RBFOX1: variants seen among roughly 807,000 people sequenced by gnomAD.
The protein encoded by RBFOX1 is RNA binding fox-1 homolog 1.
Under a neutral mutation model 57.7 loss-of-function variants are expected in RBFOX1, and 8 were observed. The ratio of observed to expected loss-of-function variants is 0.14; its 90% CI spans 0.08 to 0.25. RBFOX1 has a LOEUF of 0.25. Ranked by LOEUF, RBFOX1 falls within the 10% of genes least tolerant of loss-of-function variation. The pLI, the probability that RBFOX1 is intolerant of heterozygous loss-of-function variation, is 1.00. For missense variants in RBFOX1, 611 were observed against 548.5 expected (o/e 1.11, Z -1.14); for synonymous variants, 326 against 222.4 (o/e 1.47, Z -4.15).
chr16:6,832,964 A>G (rs151160451), intron 3 of RBFOX1, among the ~76,000 whole-genome samples: 1 of 152,252 alleles, frequency 6.6e-6, no homozygotes, highest in African/African-American at 2.4e-5. Context: ...CAGTCACACA[A>G]ATTGATATGT....
chr16:6,619,123 C>G (rs760217201), intron 2 of RBFOX1, among the ~76,000 whole-genome samples: 4 of 151,968 alleles, frequency 2.6e-5, no homozygotes, highest in Non-Finnish European at 5.9e-5. Context: ...TTAACACACA[C>G]ATGGTACTTC....
intron 4 of RBFOX1, among the ~76,000 whole-genome samples, chr16:6,003,219 C>G (rs904259991): frequency 4.1e-5 from 6 of 147,352 alleles, no homozygotes; most frequent in African/African-American, 1.5e-4. Flanking sequence ...GCGGAGCTTC[C>G]GGTGAGCCGA....
chr16:5,862,684 C>T (rs779800648), intron 3 of RBFOX1, among the ~76,000 whole-genome samples: 6 of 152,132 alleles, frequency 3.9e-5, no homozygotes, highest in Non-Finnish European at 5.9e-5. Flanking sequence ...TATCTGGATC[C>T]ATTTAAAGTG....
At chr16:6,992,689 C>A (rs148267338) in intron 3 of RBFOX1, among the ~76,000 whole-genome samples, 1 of 152,168 alleles carries the variant, frequency 6.6e-6, no homozygotes, top group East Asian at 1.9e-4. Context: ...CCACAAAGGG[C>A]TTCAGAAACC....
At chr16:6,342,870 C>T (rs1351955017) in intron 2 of RBFOX1, among the ~76,000 whole-genome samples, 7 of 152,128 alleles carry the variant, frequency 4.6e-5, no homozygotes, top group African/African-American at 1.7e-4. Flanking sequence ...CTTTATCCTA[C>T]ATTGATGGGG....
At chr16:7,184,042 A>T (rs1281984743) in intron 4 of RBFOX1, among the ~76,000 whole-genome samples, 5 of 152,246 alleles carry the variant, frequency 3.3e-5, no homozygotes, top group African/African-American at 1.2e-4. Flanking sequence ...GGTGGCCTAA[A>T]GCCCAGGAAA....
intron 1 of RBFOX1, among the ~76,000 whole-genome samples, chr16:6,305,767 C>G (rs773393271): frequency 1.3e-5 from 2 of 152,040 alleles, no homozygotes; most frequent in African/African-American, 2.4e-5. Flanking sequence ...GTAACTCACC[C>G]AAGGTCAAGC....
intron 4 of RBFOX1, among the ~76,000 whole-genome samples, chr16:7,164,679 G>A (rs1045136070): frequency 3.3e-5 from 5 of 152,090 alleles, no homozygotes; most frequent in South Asian, 2.1e-4. Context: ...TTTCAAAATC[G>A]TGTGCACATC....
intron 3 of RBFOX1, among the ~76,000 whole-genome samples, chr16:6,797,304 A>C (rs2084298382): frequency 6.6e-6 from 1 of 152,106 alleles, no homozygotes; most frequent in African/African-American, 2.4e-5. Flanking sequence ...TCTCTATACA[A>C]AGTTACCGTT....
At chr16:7,087,312 C>G (rs2060140203) in intron 4 of RBFOX1, among the ~76,000 whole-genome samples, 2 of 152,146 alleles carry the variant, frequency 1.3e-5, no homozygotes, top group South Asian at 4.1e-4. Flanking sequence ...GTAAATTCCA[C>G]CAGTGGGGCT....
At chr16:5,538,568 CA>C in intron 2 of RBFOX1, among the ~76,000 whole-genome samples, 1 of 151,016 alleles carries the variant, frequency 6.6e-6, no homozygotes, top group Admixed American at 6.6e-5. Flanking sequence ...TGTTATCAGG[CA>C]TTTATATATC....
At chr16:5,748,297 A>T (rs551275021) in intron 3 of RBFOX1, among the ~76,000 whole-genome samples, 1 of 152,102 alleles carries the variant, frequency 6.6e-6, no homozygotes, top group Non-Finnish European at 1.5e-5. Flanking sequence ...ACTTCCAACT[A>T]TGTGGTCAAT....
chr16:5,981,366 G>A (rs1323173493), intron 4 of RBFOX1, among the ~76,000 whole-genome samples: 1 of 152,170 alleles, frequency 6.6e-6, no homozygotes, highest in African/African-American at 2.4e-5. Flanking sequence ...TCTGGAATCT[G>A]TATTTGGAAA....
chr16:6,984,956 A>C (rs1009824282), intron 3 of RBFOX1, among the ~76,000 whole-genome samples: 13 of 152,234 alleles, frequency 8.5e-5, no homozygotes, highest in South Asian at 2.1e-4. Flanking sequence ...TTTACTTACA[A>C]ATCTACTGTA....
chr16:5,842,613 C>A (rs1261838269), intron 3 of RBFOX1, among the ~76,000 whole-genome samples: 1 of 152,076 alleles, frequency 6.6e-6, no homozygotes, highest in Admixed American at 6.5e-5. Flanking sequence ...GCTCTAGGTG[C>A]TGGGGATATT....
intron 2 of RBFOX1, among the ~76,000 whole-genome samples, chr16:6,651,198 G>C (rs12922359): frequency 6.6e-6 from 1 of 151,868 alleles, no homozygotes; most frequent in African/African-American, 2.4e-5. Context: ...CACCACACCC[G>C]GCCTGGAACC....
At chr16:6,696,190 T>C (rs2061013323) in intron 3 of RBFOX1, among the ~76,000 whole-genome samples, 1 of 152,236 alleles carries the variant, frequency 6.6e-6, no homozygotes, top group African/African-American at 2.4e-5. Flanking sequence ...TAATACTCTC[T>C]AGTTGATATA....
chr16:7,509,697 T>C lies in RBFOX1; in HGVS notation c.28-8450T>C, dbSNP rs116470080. Among the ~76,000 whole-genome samples the C allele has an allele frequency of 3.2e-3, 485 of 152,286 alleles. 3 individuals are homozygous for C. Among genetic ancestry groups the C allele is most frequent in the African/African-American group, 0.011 (465 of 41,568 alleles). ...TTATTACAAATTCATGCTCTCTTGATGTACTCACAGTATTTTTCAAAATTT... is the reference window on the plus strand; with the variant it reads ...TTATTACAAATTCATGCTCTCTTGACGTACTCACAGTATTTTTCAAAATTT... On this transcript the variant is annotated intron_variant, in intron 4 of 15. Transcript: ENST00000550418.
At chr16:6,470,104 C>A (rs899507885) in intron 2 of RBFOX1, among the ~76,000 whole-genome samples, 1 of 152,140 alleles carries the variant, frequency 6.6e-6, no homozygotes, top group Admixed American at 6.6e-5. Context: ...GCCACTGTAT[C>A]CTCATTCATT....
Sources: gnomAD v4.1 joint callset for allele counts (sites outside exome capture counted in the v4.1 genomes callset) on GRCh38, gnomAD v4.1.1 for gene constraint, MANE v1.5 for transcripts, NCBI Gene and HGNC (gene_info 2026-07-23, HGNC 2026-07-21) for gene names.